Variants in ASIC2 observed in about 807,000 individuals in gnomAD.
ASIC2 encodes the protein acid sensing ion channel subunit 2, also known as acid-sensing ion channel 2.
ASIC2 carries 25 observed loss-of-function variants against 57.3 expected under a neutral mutation model. That is an observed-to-expected ratio of 0.44 (90% CI 0.32 to 0.61). ASIC2 has a LOEUF of 0.61. Among genes scored for constraint, ASIC2 ranks in the 20% least tolerant of loss-of-function variants. ASIC2 has a pLI of 0.06. For synonymous variants in ASIC2, 319 were observed against 307.5 expected (o/e 1.04, Z -0.39); for missense variants, 641 against 738.1 (o/e 0.87, Z 1.52).
chr17:34,118,518 GT>G (rs1911496835), intron 1 of ASIC2: 1 of 152,168 alleles, frequency 6.6e-6, no homozygotes, highest in South Asian at 2.1e-4. Flanking sequence ...TGCACTGCCC[GT>G]TAGACACACA....
At chr17:33,704,331 G>A (rs962785481) in intron 1 of ASIC2, among the ~76,000 whole-genome samples, 4 of 152,136 alleles carry the variant, frequency 2.6e-5, no homozygotes, top group African/African-American at 7.2e-5. Flanking sequence ...GCTACTGCAC[G>A]TGTGCACTCA....
At chr17:33,408,017 T>A (rs1007633732) in intron 1 of ASIC2, among the ~76,000 whole-genome samples, 18 of 152,052 alleles carry the variant, frequency 1.2e-4, no homozygotes, top group African/African-American at 4.3e-4. Flanking sequence ...ACCACACCAG[T>A]TCCAAATCTG....
chr17:34,034,233 G>T (rs1345995099), intron 1 of ASIC2, among the ~76,000 whole-genome samples: 1 of 152,076 alleles, frequency 6.6e-6, no homozygotes, highest in East Asian at 1.9e-4. Flanking sequence ...ATGTAATCCA[G>T]CATATAAACA....
At chr17:33,594,688 C>T (rs537888856) in intron 1 of ASIC2, among the ~76,000 whole-genome samples, 15 of 152,124 alleles carry the variant, frequency 9.9e-5, no homozygotes, top group African/African-American at 2.9e-4. Context: ...ATTAGCCAGG[C>T]GTGCTGGCGG....
At chr17:33,856,208 C>A (rs1446907726) in intron 1 of ASIC2, among the ~76,000 whole-genome samples, 1 of 152,188 alleles carries the variant, frequency 6.6e-6, no homozygotes, top group African/African-American at 2.4e-5. Context: ...GTTAATTAAT[C>A]TTTCTGTCTC....
At chr17:33,618,789 A>T (rs1485257941) in intron 1 of ASIC2, among the ~76,000 whole-genome samples, 1 of 152,126 alleles carries the variant, frequency 6.6e-6, no homozygotes, top group African/African-American at 2.4e-5. Flanking sequence ...ACCCTCACCA[A>T]TGCCCAAATA....
intron 1 of ASIC2, among the ~76,000 whole-genome samples, chr17:34,096,387 T>C (rs908665268): frequency 5.3e-5 from 8 of 152,110 alleles, no homozygotes; most frequent in African/African-American, 1.9e-4. Context: ...TGTTAAGTCT[T>C]GAGTTAGAAG....
At chr17:33,299,680 A>G (rs1905870269) in intron 1 of ASIC2, among the ~76,000 whole-genome samples, 1 of 152,070 alleles carries the variant, frequency 6.6e-6, no homozygotes, top group Non-Finnish European at 1.5e-5. Context: ...TTCTATCACA[A>G]GCAATTCCCA....
chr17:34,057,449 G>C (rs1302453611), intron 1 of ASIC2, among the ~76,000 whole-genome samples: 1 of 152,224 alleles, frequency 6.6e-6, no homozygotes, highest in Admixed American at 6.5e-5. Context: ...TGTCGCAGTA[G>C]AGGTGTGAGT....
intron 1 of ASIC2, among the ~76,000 whole-genome samples, chr17:33,884,114 C>G (rs886093185): frequency 6.6e-6 from 1 of 152,214 alleles, no homozygotes; most frequent in Non-Finnish European, 1.5e-5. Flanking sequence ...GTGTCCGGCG[C>G]TGGGTGTCAG....
At chr17:33,780,688 C>T (rs578074598) in intron 1 of ASIC2, among the ~76,000 whole-genome samples, 26 of 152,266 alleles carry the variant, frequency 1.7e-4, no homozygotes, top group African/African-American at 3.9e-4. Flanking sequence ...AGTTATGTGG[C>T]GGGCACTGTC....
chr17:33,826,549 C>G (rs763563202), intron 1 of ASIC2, among the ~76,000 whole-genome samples: 4 of 152,208 alleles, frequency 2.6e-5, no homozygotes, highest in Admixed American at 6.5e-5. Flanking sequence ...AGCCCATTGC[C>G]TTTATTTCAC....
At chr17:33,619,628 A>T (rs1905717062) in intron 1 of ASIC2, among the ~76,000 whole-genome samples, 1 of 152,222 alleles carries the variant, frequency 6.6e-6, no homozygotes, top group Admixed American at 6.5e-5. Flanking sequence ...AGAGTCAATC[A>T]TTAGGATGCT....
At chr17:33,348,671 C>T (rs997462358) in intron 1 of ASIC2, among the ~76,000 whole-genome samples, 2 of 152,004 alleles carry the variant, frequency 1.3e-5, no homozygotes, top group African/African-American at 4.8e-5. Context: ...ACTGAGAGGG[C>T]ATGGGATGTA....
At chr17:33,063,760 AAT>A (rs1341288428) in intron 3 of ASIC2, among the ~76,000 whole-genome samples, 2 of 152,152 alleles carry the variant, frequency 1.3e-5, no homozygotes, top group African/African-American at 4.8e-5. Flanking sequence ...AGTGTTTTCC[AAT>A]TTGGTTCCAT....
intron 1 of ASIC2, among the ~76,000 whole-genome samples, chr17:33,483,916 A>G (rs1227831634): frequency 6.6e-6 from 1 of 152,180 alleles, no homozygotes; most frequent in African/African-American, 2.4e-5. Context: ...AGGTGGGCCC[A>G]GTGGTATCAC....
chr17:33,679,416 C>A (rs1412635755), intron 1 of ASIC2, among the ~76,000 whole-genome samples: 1 of 152,194 alleles, frequency 6.6e-6, no homozygotes, highest in Non-Finnish European at 1.5e-5. Context: ...CTTCCATTAT[C>A]TCATTGTTTT....
upstream of ASIC2, among the ~76,000 whole-genome samples, chr17:33,295,621 T>C (rs1905691009): frequency 6.6e-6 from 1 of 152,224 alleles, no homozygotes; most frequent in African/African-American, 2.4e-5. Flanking sequence ...GCCTTTCTGC[T>C]GGACTATGAC....
At chr17:33,417,178 G>C (rs908449237) in intron 1 of ASIC2, among the ~76,000 whole-genome samples, 1 of 152,152 alleles carries the variant, frequency 6.6e-6, no homozygotes, top group African/African-American at 2.4e-5. Flanking sequence ...GTGTTGAATG[G>C]AAGCAAGCCC....
Sources: gnomAD v4.1 joint callset for allele counts (sites outside exome capture counted in the v4.1 genomes callset) on GRCh38, gnomAD v4.1.1 for gene constraint, MANE v1.5 for transcripts, NCBI Gene and HGNC (gene_info 2026-07-23, HGNC 2026-07-21) for gene names.